OR6B2: variants seen among roughly 807,000 people sequenced by gnomAD.
The protein encoded by OR6B2 is olfactory receptor family 6 subfamily B member 2, also known as olfactory receptor 6B2.
For missense variants in OR6B2, 275 were observed against 386.8 expected (o/e 0.71, Z 2.42); for synonymous variants, 155 against 171.5 (o/e 0.90, Z 0.75).
In OR6B2 at chr2:240,029,741, G is replaced by A. The variant is rs200853206; in HGVS notation, c.689C>T (p.Ser230Leu). The A allele has an allele frequency of 2.7e-4, 443 of 1,612,538 alleles. 2 individuals are homozygous for A. Among genetic ancestry groups the A allele is most frequent in the Non-Finnish European group, 1.9e-4 (220 of 1,178,686 alleles). ...HITLAVLRIPSATGCWRAFST... is the reference protein window; with the variant it reads ...HITLAVLRIPLATGCWRAFST... ...GAAGGCTCTCCAGCAGCCGGTGGCC[G>A]AGGGGATGCGCAGGACAGCCAGGGT... is the stretch of plus-strand genomic sequence containing the variant. Residue 230 changes from serine to leucine, a missense_variant, in exon 1 of 1, where the codon TCG becomes TTG. Ser to Leu is a moderately radical substitution (Grantham distance 145, BLOSUM62 -2). Coordinates refer to ENST00000319423, the MANE Select transcript of OR6B2 (RefSeq NM_001005853.1). The surrounding 1 kb of genome is among the most constrained non-coding windows in gnomAD (Gnocchi z 5.2).
chr2:240,030,020 G>A lies in OR6B2; in HGVS notation c.410C>T (p.Thr137Ile), dbSNP rs745381880. 13 of 1,372,816 alleles carry A rather than the reference G, an allele frequency of 9.5e-6. No homozygotes were observed. The East Asian group carries it at 1.9e-4, about 20-fold the overall frequency. The allele number at this position is 1,372,816 out of a possible 1,614,324, so 85.0% of individuals were successfully genotyped here. Residue 137 changes from threonine to isoleucine, a missense_variant, in exon 1 of 1, where the codon ACC (threonine) becomes ATC (isoleucine). Transcript: ENST00000319423. ...CHPLRYHVLV[T>I]PGLCLQLVGF... Reference sequence around the variant, plus strand: ...CACCAGCTGGAGGCACAGCCCCGGGGTCACAAGGACGTGGTAGCGCAGCGG... The same window carrying A: ...CACCAGCTGGAGGCACAGCCCCGGGATCACAAGGACGTGGTAGCGCAGCGG...
rs756684720 is a variant in OR6B2, at chr2:240,029,493, A to G, written c.937T>C (p.Ter313GlnextTer?). 4 of 749,512 alleles carry G rather than the reference A, an allele frequency of 5.3e-6. No homozygotes were observed. In the Admixed American group the frequency reaches 5.5e-5, roughly 10 times the overall value. 46.4% of individuals were successfully genotyped at this position (749,512 alleles called of 1,614,324 possible). The change falls in exon 1 of 1, where the codon TAA (stop) becomes CAA (glutamine). Residue 313 changes from the stop codon to glutamine (Q), a stop_lost. Transcript: ENST00000319423. This position sits in a 1 kb window ranked among gnomAD's most constrained non-coding sequence, Gnocchi z 5.2. Reference sequence around the variant, plus strand: ...TTACTCTAGGACATTTAGTTGTCTTAGTGTGAAGTTTGACCCAAGCCCAAG... The same window carrying G: ...TTACTCTAGGACATTTAGTTGTCTTGGTGTGAAGTTTGACCCAAGCCCAAG... Reference protein sequence around the residue: ...KALGLGQTSH* With the variant: ...KALGLGQTSHQ
chr2:240,029,710 G>C lies in OR6B2; in HGVS notation c.720C>G (p.Thr240=). ...SATGCWRAFS[T]CASHLTVVTV... Reference sequence around the variant, plus strand: ...TGACCACGGTGAGGTGAGAGGCGCAGGTAGAGAAGGCTCTCCAGCAGCCGG... The same window carrying C: ...TGACCACGGTGAGGTGAGAGGCGCACGTAGAGAAGGCTCTCCAGCAGCCGG... Residue 240 remains threonine (T), a synonymous_variant, in exon 1 of 1, where the codon ACC becomes ACG. Coordinates refer to ENST00000319423, the MANE Select transcript of OR6B2 (RefSeq NM_001005853.1). This position sits in a 1 kb window ranked among gnomAD's most constrained non-coding sequence, Gnocchi z 5.2. 1 of 1,613,828 alleles carries C rather than the reference G, an allele frequency of 6.2e-7. No homozygotes were observed. The highest frequency in any genetic ancestry group is 2.2e-5 in the East Asian group (1 of 44,872).
chr2:240,030,133 C>T lies in OR6B2; in HGVS notation c.297G>A (p.Thr99=), dbSNP rs566028555. 32 of 1,552,566 alleles carry T rather than the reference C, an allele frequency of 2.1e-5. No individual in the cohort carries two copies. The highest frequency in any genetic ancestry group is 1.0e-4 in the South Asian group (9 of 89,762). Residue 99 remains threonine (T), a synonymous_variant, in exon 1 of 1, where the codon ACG becomes ACA. Transcript: ENST00000319423. ...QKRISFVGCM[T]QLYFFSSLVC... ...CCAGGGAGCTGAAGAAGTAGAGCTG[C>T]GTCATGCACCCGACGAAAGAGATGC... is the stretch of plus-strand genomic sequence containing the variant.
chr2:240,030,295 G>A lies in OR6B2; in HGVS notation c.135C>T (p.Ile45=), dbSNP rs750955629. The A allele has an allele frequency of 3.7e-6, 6 of 1,613,944 alleles. No homozygotes were observed. Among genetic ancestry groups the A allele is most frequent in the Admixed American group, 1.7e-5 (1 of 60,022 alleles). The change falls in exon 1 of 1, where the codon ATC becomes ATT. Residue 45 remains isoleucine, a synonymous_variant. Transcript: ENST00000319423. ...YLFVLVENLA[I]ILIVWSSTSL... The stretch of plus-strand genomic sequence containing the variant: ...AGGTGCTGCTCCAGACGATGAGGAT[G>A]ATGGCCAGGTTCTCCACCAGGACAA...
rs780610468 is a variant in OR6B2, at chr2:240,030,304, G to T, written c.126C>A (p.Asn42Lys). ...TCCAGACGATGAGGATGATGGCCAG[G>T]TTCTCCACCAGGACAAAGAGGTAGG... ...LLTYLFVLVE[N>K]LAIILIVWSS... The change falls in exon 1 of 1, where the codon AAC becomes AAA. Residue 42 changes from asparagine (N) to lysine (K), a missense_variant. Asn to Lys is a moderately conservative substitution (Grantham distance 94, BLOSUM62 0). Transcript: ENST00000319423. The T allele has an allele frequency of 9.9e-6, 16 of 1,613,782 alleles. No individual in the cohort carries two copies. The African/African-American group carries it at 2.1e-4, about 22-fold the overall frequency.
chr2:240,029,934 C>T lies in OR6B2; in HGVS notation c.496G>A (p.Val166Ile), dbSNP rs199866112. The change falls in exon 1 of 1, where the codon GTC (valine) becomes ATC (isoleucine). Residue 166 changes from valine to isoleucine, a missense_variant. Transcript: ENST00000319423. The surrounding 1 kb of genome is among the most constrained non-coding windows in gnomAD (Gnocchi z 5.2). ...SMIKVCFISS[V>I]TFCGSNVLNH... ...AAGACGTTGGAGCCACAGAACGTGA[C>T]GCTGGAGATAAAACAGACCTTGATC... is the stretch of plus-strand genomic sequence containing the variant. 3.1e-5 allele frequency: 45 copies of T among 1,450,250 alleles called. No individual in the cohort carries two copies. Among genetic ancestry groups the T allele is most frequent in the East Asian group, 1.1e-4 (5 of 44,000 alleles). The allele number at this position is 1,450,250 out of a possible 1,614,324, so 89.8% of individuals were successfully genotyped here.
At position 240,029,800 on chromosome 2, in the gene OR6B2, C is replaced by T. The variant is rs371741516; in HGVS notation, c.630G>A (p.Pro210=). 95 of 1,611,582 alleles carry T rather than the reference C, an allele frequency of 5.9e-5. No homozygotes were observed. Among genetic ancestry groups the T allele is most frequent in the Non-Finnish European group, 6.4e-5 (75 of 1,177,736 alleles). The part of the protein sequence containing the change: ...FILAFIILVF[P]LLATILSYWH... ...AATATGACAGTATGGTGGCCAGGAG[C>T]GGAAACACCAGGATGATGAAGGCCA... Residue 210 remains proline, a synonymous_variant, in exon 1 of 1, where the codon CCG becomes CCA. Coordinates refer to ENST00000319423, the MANE Select transcript of OR6B2 (RefSeq NM_001005853.1). The surrounding 1 kb of genome is among the most constrained non-coding windows in gnomAD (Gnocchi z 5.2).
At position 240,030,319 on chromosome 2, in the gene OR6B2, A is replaced by G. The variant is rs189653121; in HGVS notation, c.111T>C (p.Phe37=). The G allele has an allele frequency of 6.2e-6, 10 of 1,613,760 alleles. No homozygotes were observed. The African/African-American group carries it at 6.7e-5, about 11-fold the overall frequency. The stretch of plus-strand genomic sequence containing the variant: ...TGATGGCCAGGTTCTCCACCAGGAC[A>G]AAGAGGTAGGTGAGCAGGAAGAGGA... ...LFLLFLLTYL[F]VLVENLAIIL... The change falls in exon 1 of 1, where the codon TTT becomes TTC. Residue 37 remains phenylalanine, a synonymous_variant. Coordinates refer to ENST00000319423, the MANE Select transcript of OR6B2 (RefSeq NM_001005853.1).
At position 240,029,856 on chromosome 2, in the gene OR6B2, A is replaced by G. The variant is rs577319969; in HGVS notation, c.574T>C (p.Phe192Leu). Residue 192 changes from phenylalanine (F) to leucine (L), a missense_variant, in exon 1 of 1, where the codon TTC (phenylalanine) becomes CTC (leucine). Transcript: ENST00000319423. The surrounding 1 kb of genome is among the most constrained non-coding windows in gnomAD (Gnocchi z 5.2). ...AAATCCACCAGCTCTGCAGTGGAGA[A>G]GTCCGTGCAGGCCAGCTTGAGGATG... is the stretch of plus-strand genomic sequence containing the variant. Reference protein sequence around the residue: ...SPILKLACTDFSTAELVDFIL... With the variant: ...SPILKLACTDLSTAELVDFIL... 5 of 1,608,354 alleles carry G rather than the reference A, an allele frequency of 3.1e-6. No homozygotes were observed. In the South Asian group the frequency reaches 5.5e-5, roughly 18 times the overall value.
chr2:240,030,355 G>A lies in OR6B2; in HGVS notation c.75C>T (p.Tyr25=), dbSNP rs1249842625. ...TGAGCAGGAAGAGGAGGAAGAGCAG[G>A]TACTGCAGCCCTGGGGCCGTGGGGA... ...VGLPTAPGLQ[Y]LLFLLFLLTY... The change falls in exon 1 of 1, where the codon TAC becomes TAT. Residue 25 remains tyrosine (Y), a synonymous_variant. Transcript: ENST00000319423. 2 of 1,610,482 alleles carry A rather than the reference G, an allele frequency of 1.2e-6. No individual in the cohort carries two copies. The highest frequency in any genetic ancestry group is 1.1e-5 in the South Asian group (1 of 91,024).
Position 240,029,802 on chromosome 2 carries a change from G to T in OR6B2, c.628C>A (p.Pro210Thr). 6.2e-7 allele frequency: 1 copy of T among 1,612,210 alleles called. No individual in the cohort carries two copies. Among genetic ancestry groups the T allele is most frequent in the Admixed American group, 1.7e-5 (1 of 60,034 alleles). Reference sequence around the variant, plus strand: ...TATGACAGTATGGTGGCCAGGAGCGGAAACACCAGGATGATGAAGGCCAGG... The same window carrying T: ...TATGACAGTATGGTGGCCAGGAGCGTAAACACCAGGATGATGAAGGCCAGG... ...FILAFIILVF[P>T]LLATILSYWH... Residue 210 changes from proline (P) to threonine (T), a missense_variant, in exon 1 of 1, where the codon CCG becomes ACG. Physicochemically the swap from Pro to Thr is conservative, Grantham distance 38. Coordinates refer to ENST00000319423, the MANE Select transcript of OR6B2 (RefSeq NM_001005853.1). This position sits in a 1 kb window ranked among gnomAD's most constrained non-coding sequence, Gnocchi z 5.2.
chr2:240,029,623 G>T lies in OR6B2; in HGVS notation c.807C>A (p.Ser269Arg). The T allele has an allele frequency of 6.8e-7, 1 of 1,461,834 alleles. No homozygotes were observed. The highest frequency in any genetic ancestry group is 9.6e-7 in the Non-Finnish European group (1 of 1,041,112). The allele number at this position is 1,461,834 out of a possible 1,614,324, so 90.6% of individuals were successfully genotyped here. A position where few individuals can be genotyped will look rare whatever the true frequency, so the allele number is the denominator to read the frequency against. ...YVRPQAIDSQ[S>R]SNKLISAVYT... ...ACACGGCAGAGATGAGCTTGTTGGA[G>T]CTCTGGGAATCAATGGCTTGGGGCC... Residue 269 changes from serine (S) to arginine (R), a missense_variant, in exon 1 of 1, where the codon AGC (serine) becomes AGA (arginine). Ser to Arg is a moderately radical substitution (Grantham distance 110). Transcript: ENST00000319423. The surrounding 1 kb of genome is among the most constrained non-coding windows in gnomAD (Gnocchi z 5.2).
chr2:240,030,402 T>C lies in OR6B2; in HGVS notation c.28A>G (p.Ser10Gly), dbSNP rs746917754. The change falls in exon 1 of 1, where the codon AGC becomes GGC. Residue 10 changes from serine to glycine, a missense_variant. Physicochemically the swap from Ser to Gly is moderately conservative, Grantham distance 56 (BLOSUM62 0). Transcript: ENST00000319423. Reference sequence around the variant, plus strand: ...GGGAGGCCCACCAGGATGAAGGTGCTGACCTTGGTGACATTCTCCCCACTC... The same window carrying C: ...GGGAGGCCCACCAGGATGAAGGTGCCGACCTTGGTGACATTCTCCCCACTC... MSGENVTKVSTFILVGLPTA... is the reference protein window; with the variant it reads MSGENVTKVGTFILVGLPTA... The C allele has an allele frequency of 3.1e-5, 50 of 1,609,298 alleles. No homozygotes were observed. Among genetic ancestry groups the C allele is most frequent in the South Asian group, 4.4e-5 (4 of 90,968 alleles).
In OR6B2 at chr2:240,030,043, C is replaced by T. The variant is rs375079185; in HGVS notation, c.387G>A (p.Pro129=). Reference sequence around the variant, plus strand: ...GGGTCACAAGGACGTGGTAGCGCAGCGGGTGGCAGATGGCCACGTAGCGGT... The same window carrying T: ...GGGTCACAAGGACGTGGTAGCGCAGTGGGTGGCAGATGGCCACGTAGCGGT... The part of the protein sequence containing the change: ...AYDRYVAICH[P]LRYHVLVTPG... Residue 129 remains proline (P), a synonymous_variant, in exon 1 of 1, where the codon CCG becomes CCA. Transcript: ENST00000319423. The T allele has an allele frequency of 1.0e-4, 148 of 1,411,802 alleles. No homozygotes were observed. In the East Asian group the frequency reaches 1.3e-3, roughly 12 times the overall value. 87.5% of individuals were successfully genotyped at this position (1,411,802 alleles called of 1,614,324 possible).
Position 240,030,382 on chromosome 2 carries a change from G to T in OR6B2, c.48C>A (p.Gly16=). Residue 16 remains glycine (G), a synonymous_variant, in exon 1 of 1, where the codon GGC becomes GGA. Coordinates refer to ENST00000319423, the MANE Select transcript of OR6B2 (RefSeq NM_001005853.1). The stretch of plus-strand genomic sequence containing the variant: ...ACTGCAGCCCTGGGGCCGTGGGGAG[G>T]CCCACCAGGATGAAGGTGCTGACCT... ...VTKVSTFILV[G]LPTAPGLQYL... 6.2e-7 allele frequency: 1 copy of T among 1,608,456 alleles called. No homozygotes were observed. Among genetic ancestry groups the T allele is most frequent in the Non-Finnish European group, 8.5e-7 (1 of 1,174,852 alleles).
rs373581707 is a variant in OR6B2 at position 240,030,422 on chromosome 2, C to T, written c.8G>A (p.Gly3Glu). 1.2e-6 allele frequency: 2 copies of T among 1,607,456 alleles called. No individual in the cohort carries two copies. Among genetic ancestry groups the T allele is most frequent in the African/African-American group, 1.3e-5 (1 of 74,760 alleles). MSGENVTKVSTFI... is the reference protein window; with the variant it reads MSEENVTKVSTFI... ...GGTGCTGACCTTGGTGACATTCTCCCCACTCATGCCTCTGTGCTTGGGAGC... is the reference window on the plus strand; with the variant it reads ...GGTGCTGACCTTGGTGACATTCTCCTCACTCATGCCTCTGTGCTTGGGAGC... Residue 3 changes from glycine to glutamate, a missense_variant, in exon 1 of 1, where the codon GGG becomes GAG. Transcript: ENST00000319423.
In OR6B2 at chr2:240,029,657, A is replaced by G; in HGVS notation, c.773T>C (p.Met258Thr). Residue 258 changes from methionine (M) to threonine (T), a missense_variant, in exon 1 of 1, where the codon ATG becomes ACG. Physicochemically the swap from Met to Thr is moderately conservative, Grantham distance 81 (BLOSUM62 -1). Coordinates refer to ENST00000319423, the MANE Select transcript of OR6B2 (RefSeq NM_001005853.1). The surrounding 1 kb of genome is among the most constrained non-coding windows in gnomAD (Gnocchi z 5.2). ...ATCAATGGCTTGGGGCCGGACATAC[A>G]TGAAAAGCAAGGCTGTATAGAAGAC... ...VTVFYTALLFMYVRPQAIDSQ... is the reference protein window; with the variant it reads ...VTVFYTALLFTYVRPQAIDSQ... 4 of 1,610,312 alleles carry G rather than the reference A, an allele frequency of 2.5e-6. No individual in the cohort carries two copies. Among genetic ancestry groups the G allele is most frequent in the East Asian group, 2.2e-5 (1 of 44,870 alleles).
rs1697972517 is a variant in OR6B2, at chr2:240,030,301, C to G, written c.129G>C (p.Leu43=). ...TGCTCCAGACGATGAGGATGATGGC[C>G]AGGTTCTCCACCAGGACAAAGAGGT... is the stretch of plus-strand genomic sequence containing the variant. ...LTYLFVLVEN[L]AIILIVWSST... The change falls in exon 1 of 1, where the codon CTG becomes CTC. Residue 43 remains leucine (L), a synonymous_variant. Coordinates refer to ENST00000319423, the MANE Select transcript of OR6B2 (RefSeq NM_001005853.1). 15 of 1,613,832 alleles carry G rather than the reference C, an allele frequency of 9.3e-6. No homozygotes were observed. The highest frequency in any genetic ancestry group is 1.3e-5 in the Non-Finnish European group (15 of 1,179,778).
Sources: gnomAD v4.1 joint callset for allele counts on GRCh38, gnomAD v4.1.1 for gene constraint, Gnocchi (gnomAD v3.1) non-coding constraint, MANE v1.5 for transcripts, NCBI Gene and HGNC (gene_info 2026-07-23, HGNC 2026-07-21) for gene names.